EML4: variants seen among roughly 807,000 people sequenced by gnomAD.
EML4 encodes the protein echinoderm microtubule-associated protein-like 4.
In EML4, 72 loss-of-function variants were observed where a neutral mutation model predicts 129.0. The observed-to-expected ratio is 0.56, with a 90% confidence interval of 0.46 to 0.68. The LOEUF is 0.68. Ranked by LOEUF, EML4 falls within the 30% of genes least tolerant of loss-of-function variation. The probability of loss-of-function intolerance (pLI) is 0.00; values close to 1 mark genes in which losing one functional copy is unlikely to be tolerated. For synonymous variants in EML4, 532 were observed against 405.0 expected (o/e 1.31, Z -3.77); for missense variants, 1,363 against 1,190.6 (o/e 1.14, Z -2.13).
chr2:42,283,053 G>A, intron 8 of EML4, 81 bp downstream of exon 8: 13 of 1,244,152 alleles, frequency 1.0e-5, no homozygotes. Flanking sequence ...TTTATTGAAA[G>A]TGATTTCTTG....
chr2:42,324,799 T>C (rs1398469681), intron 19 of EML4, among the ~76,000 whole-genome samples: 1 of 152,182 alleles, frequency 6.6e-6, no homozygotes, highest in East Asian at 1.9e-4. Context: ...CAACAAAAAT[T>C]AGTGTTTCGT....
chr2:42,249,700 T>C (rs1485346757), intron 2 of EML4, among the ~76,000 whole-genome samples: 1 of 152,220 alleles, frequency 6.6e-6, no homozygotes, highest in Non-Finnish European at 1.5e-5. Context: ...TTCGTTGTCT[T>C]AGTTTATCTT....
intron 1 of EML4, among the ~76,000 whole-genome samples, chr2:42,228,866 T>C (rs1431429443): frequency 3.3e-5 from 5 of 152,204 alleles, no homozygotes; most frequent in Non-Finnish European, 7.4e-5. Context: ...TATTAATAAT[T>C]AGAAGGTCAC....
At chr2:42,193,266 G>A (rs536477341) in intron 1 of EML4, among the ~76,000 whole-genome samples, 1 of 152,138 alleles carries the variant, frequency 6.6e-6, no homozygotes, top group Non-Finnish European at 1.5e-5. Context: ...TACCATCTAG[G>A]TTTGTGTAAG....
At chr2:42,229,056 G>A (rs778547973) in intron 1 of EML4, among the ~76,000 whole-genome samples, 1 of 152,136 alleles carries the variant, frequency 6.6e-6, no homozygotes, top group South Asian at 2.1e-4. Context: ...CTAAGTTTTA[G>A]TAAAACTTTG....
chr2:42,228,781 A>G (rs1270917223), intron 1 of EML4, among the ~76,000 whole-genome samples: 1 of 152,040 alleles, frequency 6.6e-6, no homozygotes, highest in Non-Finnish European at 1.5e-5. Context: ...TTATTTATTT[A>G]CCTTCTTCTC....
intron 1 of EML4, among the ~76,000 whole-genome samples, chr2:42,178,155 G>A (rs542296410): frequency 1.3e-5 from 2 of 152,270 alleles, no homozygotes; most frequent in South Asian, 2.1e-4. Flanking sequence ...TAGAATCAGT[G>A]TAATTCAGGC....
chr2:42,188,537 G>T (rs1671398101), intron 1 of EML4, among the ~76,000 whole-genome samples: 1 of 147,470 alleles, frequency 6.8e-6, no homozygotes, highest in Non-Finnish European at 1.5e-5. Flanking sequence ...ATATTTTAGG[G>T]TTTACTTTTA....
rs368295579 is a variant in EML4, at chr2:42,174,247, C to G, written c.25+4611C>G. 1.6e-4 allele frequency among the ~76,000 whole-genome samples: 25 copies of G among 152,118 alleles called. No homozygotes were observed. In the East Asian group the frequency reaches 3.7e-3, roughly 22 times the overall value. On this transcript the variant is annotated intron_variant, in intron 1 of 22. Coordinates refer to ENST00000318522, the MANE Select transcript of EML4 (RefSeq NM_019063.5). ...AGTTTAGGGAAAGAATCTACTTCAT[C>G]TAGTATTACCTCAGTGTGGAAGATT...
intron 1 of EML4, among the ~76,000 whole-genome samples, chr2:42,202,149 G>A (rs974332375): frequency 2.6e-5 from 4 of 152,152 alleles, no homozygotes; most frequent in African/African-American, 4.8e-5. Flanking sequence ...TGTAGACAGG[G>A]AAAGGAGAGG....
At chr2:42,182,144 G>C (rs1258862454) in intron 1 of EML4, among the ~76,000 whole-genome samples, 7 of 108,888 alleles carry the variant, frequency 6.4e-5, no homozygotes, top group Non-Finnish European at 1.3e-4. Flanking sequence ...TTTTTTTTAT[G>C]TAGAAAAATT....
intron 17 of EML4, among the ~76,000 whole-genome samples, chr2:42,306,593 C>T (rs895160504): frequency 4.8e-5 from 7 of 146,298 alleles, no homozygotes; most frequent in South Asian, 2.3e-4. Flanking sequence ...CCTGGGTTCA[C>T]GCCATTCTCC....
intron 1 of EML4, among the ~76,000 whole-genome samples, chr2:42,235,206 G>A (rs1674587558): frequency 6.6e-6 from 1 of 151,766 alleles, no homozygotes; most frequent in African/African-American, 2.4e-5. Flanking sequence ...TAATGCAGGA[G>A]AATCGCTTGA....
chr2:42,175,468 G>A (rs1245662393), intron 1 of EML4, among the ~76,000 whole-genome samples: 2 of 151,614 alleles, frequency 1.3e-5, no homozygotes, highest in African/African-American at 4.8e-5. Flanking sequence ...TTTTTGTATG[G>A]TTGGGAGTGT....
chr2:42,197,567 GA>G lies in EML4; in HGVS notation c.25+27941del, dbSNP rs1298039836. Among the ~76,000 whole-genome samples, 153 of 138,644 alleles carry G rather than the reference GA, an allele frequency of 1.1e-3. 1 individual carries two copies. The highest frequency in any genetic ancestry group is 3.5e-3 in the African/African-American group (132 of 37,818). 91.0% of individuals were successfully genotyped at this position (138,644 alleles called of 152,430 possible). On this transcript the variant is annotated intron_variant, in intron 1 of 22. Coordinates refer to ENST00000318522, the MANE Select transcript of EML4 (RefSeq NM_019063.5). ...AGTAAATCCAAAACAATAGTCTTCAGAAAAAAAAAACAAAATGGTGTAAACT... is the reference window on the plus strand; with the variant it reads ...AGTAAATCCAAAACAATAGTCTTCAGAAAAAAAAACAAAATGGTGTAAACT...
intron 1 of EML4, among the ~76,000 whole-genome samples, chr2:42,225,004 A>G (rs1015979184): frequency 6.6e-6 from 1 of 152,144 alleles, no homozygotes; most frequent in Non-Finnish European, 1.5e-5. Flanking sequence ...GGAAACATAC[A>G]ACATTTGTCC....
intron 1 of EML4, among the ~76,000 whole-genome samples, chr2:42,231,920 G>T (rs1288346118): frequency 1.3e-5 from 2 of 151,746 alleles, no homozygotes; most frequent in African/African-American, 4.9e-5. Context: ...CTGCATTCCA[G>T]CCTGGGCAAC....
intron 1 of EML4, among the ~76,000 whole-genome samples, chr2:42,173,459 T>C (rs1250775371): frequency 6.6e-6 from 1 of 152,208 alleles, no homozygotes; most frequent in African/African-American, 2.4e-5. Context: ...TGGATTAACA[T>C]CGAACATGGG....
chr2:42,230,794 C>G (rs192010075), intron 1 of EML4, among the ~76,000 whole-genome samples: 3 of 152,286 alleles, frequency 2.0e-5, no homozygotes, highest in African/African-American at 7.2e-5. Context: ...ATATCTTCAC[C>G]TCCTCTCATC....
Sources: allele counts gnomAD v4.1 joint callset (sites outside exome capture counted in the v4.1 genomes callset), GRCh38; gene constraint gnomAD v4.1.1; transcripts MANE v1.5; gene names NCBI Gene and HGNC (gene_info 2026-07-23, HGNC 2026-07-21).